The following PAM variants were observed in gnomAD, a reference collection of about 807,000 sequenced individuals.
The protein encoded by PAM is peptidyl-glycine alpha-amidating monooxygenase.
PAM carries 72 observed loss-of-function variants against 122.1 expected under a neutral mutation model. The ratio of observed to expected loss-of-function variants is 0.59; its 90% CI spans 0.49 to 0.72. PAM has a LOEUF of 0.72. Among genes scored for constraint, PAM ranks in the 30% least tolerant of loss-of-function variants. The pLI, the probability that PAM is intolerant of heterozygous loss-of-function variation, is 0.00. For synonymous variants in PAM, 389 were observed against 404.4 expected, an observed-to-expected ratio of 0.96 and a Z score of 0.46; for missense variants, 1,106 against 1,183.7, an observed-to-expected ratio of 0.93 and a Z score of 0.96.
intron 1 of PAM, among the ~76,000 whole-genome samples, chr5:102,759,397 A>C (rs1328749172): frequency 1.3e-5 from 2 of 152,172 alleles, no homozygotes; most frequent in Non-Finnish European, 2.9e-5. Flanking sequence ...GAAAATGTTA[A>C]ACAATACATA....
At chr5:102,790,727 G>A (rs1418634667) in intron 1 of PAM, among the ~76,000 whole-genome samples, 1 of 152,004 alleles carries the variant, frequency 6.6e-6, no homozygotes, top group Non-Finnish European at 1.5e-5. Flanking sequence ...ATCAGAAACT[G>A]AGCATCAGAT....
At chr5:102,981,755 G>A (rs889248188) in intron 15 of PAM, among the ~76,000 whole-genome samples, 1 of 152,178 alleles carries the variant, frequency 6.6e-6, no homozygotes, top group South Asian at 2.1e-4. Flanking sequence ...AGAAGTTTCA[G>A]GAGTGGTGAA....
chr5:103,007,192 T>TATACAC (rs1554171199), intron 19 of PAM, among the ~76,000 whole-genome samples, 181 bp downstream of exon 19: 9 of 141,470 alleles, frequency 6.4e-5, no homozygotes, highest in East Asian at 2.0e-4. Flanking sequence ...CACATATACA[T>TATACAC]ACACACACAC....
intron 1 of PAM, among the ~76,000 whole-genome samples, chr5:102,844,898 T>TTACA (rs1779590446): frequency 6.6e-6 from 1 of 152,172 alleles, no homozygotes; most frequent in South Asian, 2.1e-4. Flanking sequence ...GGAGTAGTTT[T>TTACA]TACATACAGG....
intron 1 of PAM, among the ~76,000 whole-genome samples, chr5:102,801,195 A>T (rs1764618191): frequency 2.0e-5 from 3 of 152,140 alleles, no homozygotes; most frequent in Admixed American, 1.3e-4. Flanking sequence ...ACTGAAGCTG[A>T]GCTATTTATA....
At chr5:103,015,889 C>T (rs190056346) in intron 21 of PAM, among the ~76,000 whole-genome samples, 152 of 152,170 alleles carry the variant, frequency 1.0e-3, no homozygotes, top group Non-Finnish European at 2.0e-3. Context: ...GAATAGTTTA[C>T]ACATTCCCTC....
At chr5:102,890,295 A>G (rs1794413406) in intron 3 of PAM, among the ~76,000 whole-genome samples, 1 of 151,908 alleles carries the variant, frequency 6.6e-6, no homozygotes, top group South Asian at 2.1e-4. Context: ...AATACTACCT[A>G]TTAATGAGGA....
At chr5:102,770,288 A>G (rs552573657) in intron 1 of PAM, among the ~76,000 whole-genome samples, 1 of 152,232 alleles carries the variant, frequency 6.6e-6, no homozygotes, top group South Asian at 2.1e-4. Flanking sequence ...GGTTTTTCCA[A>G]GTATAAGGTC....
At chr5:102,963,246 A>T (rs1459212602) in intron 14 of PAM, among the ~76,000 whole-genome samples, 2 of 151,966 alleles carry the variant, frequency 1.3e-5, no homozygotes, top group South Asian at 4.1e-4. Flanking sequence ...ACATTTGTAC[A>T]CATAGTTCAT....
intron 1 of PAM, among the ~76,000 whole-genome samples, chr5:102,824,293 T>C (rs1772939360): frequency 6.6e-6 from 1 of 152,206 alleles, no homozygotes; most frequent in African/African-American, 2.4e-5. Flanking sequence ...CTGCGAACAT[T>C]TCTAAATCTG....
chr5:103,017,761 C>T (rs561680010), intron 22 of PAM, among the ~76,000 whole-genome samples: 1 of 152,262 alleles, frequency 6.6e-6, no homozygotes, highest in South Asian at 2.1e-4. Flanking sequence ...TCCATAAAGC[C>T]TCATTCCCCA....
intron 1 of PAM, among the ~76,000 whole-genome samples, chr5:102,761,550 C>T (rs759655837): frequency 2.0e-5 from 3 of 152,138 alleles, no homozygotes; most frequent in East Asian, 1.9e-4. Flanking sequence ...CTGCTTTTTC[C>T]GTGGCTAAAA....
At chr5:102,820,561 A>G (rs1003584453) in intron 1 of PAM, among the ~76,000 whole-genome samples, 5 of 152,204 alleles carry the variant, frequency 3.3e-5, no homozygotes, top group Non-Finnish European at 7.3e-5. Flanking sequence ...TATTTTTAAG[A>G]AGAAAAAAAG....
In PAM at chr5:103,016,548, A is replaced by G. The variant is rs1436946468; in HGVS notation, c.2332-786A>G. 3.9e-5 allele frequency among the ~76,000 whole-genome samples: 6 copies of G among 152,338 alleles called. No homozygotes were observed. The East Asian group carries it at 9.6e-4, about 24-fold the overall frequency. ...ACAATAATTTAAGGCTTCTCTTCCAAGAACTAGTTTGGTGATCCCCAAAAG... is the reference window on the plus strand; with the variant it reads ...ACAATAATTTAAGGCTTCTCTTCCAGGAACTAGTTTGGTGATCCCCAAAAG... On this transcript the variant is annotated intron_variant, in intron 21 of 25. Transcript: ENST00000438793.
intron 1 of PAM, among the ~76,000 whole-genome samples, chr5:102,830,910 G>GTTTT (rs1775254159): frequency 6.6e-6 from 1 of 152,064 alleles, no homozygotes; most frequent in South Asian, 2.1e-4. Context: ...GTTTTGTTTT[G>GTTTT]TTTTTGGTTA....
chr5:102,840,457 G>A (rs928966814), intron 1 of PAM, among the ~76,000 whole-genome samples: 1 of 152,104 alleles, frequency 6.6e-6, no homozygotes, highest in African/African-American at 2.4e-5. Flanking sequence ...TACAAATGTG[G>A]TTATAATAAA....
At chr5:102,876,021 G>A (rs1208240542) in intron 3 of PAM, among the ~76,000 whole-genome samples, 1 of 152,166 alleles carries the variant, frequency 6.6e-6, no homozygotes, top group Non-Finnish European at 1.5e-5. Context: ...CAGTTTTCAT[G>A]AGTAAATGAT....
chr5:102,960,397 T>G (rs1762108452), intron 13 of PAM, among the ~76,000 whole-genome samples: 5 of 152,014 alleles, frequency 3.3e-5, no homozygotes, highest in Admixed American at 3.3e-4. Flanking sequence ...ACACAGTTTA[T>G]GAATTTATGC....
At chr5:102,972,700 G>T (rs1267523146) in intron 14 of PAM, among the ~76,000 whole-genome samples, 1 of 152,208 alleles carries the variant, frequency 6.6e-6, no homozygotes, top group African/African-American at 2.4e-5. Context: ...TGGTACACGA[G>T]AATTTAGCAG....
Sources: gnomAD v4.1 joint callset for allele counts (sites outside exome capture counted in the v4.1 genomes callset) on GRCh38, gnomAD v4.1.1 for gene constraint, MANE v1.5 for transcripts, NCBI Gene and HGNC (gene_info 2026-07-23, HGNC 2026-07-21) for gene names.